Variants in GRID2 observed in about 807,000 individuals in gnomAD.
The protein encoded by GRID2 is glutamate receptor ionotropic, delta-2.
GRID2 carries 33 observed loss-of-function variants against 114.8 expected under a neutral mutation model. That is an observed-to-expected ratio of 0.29 (90% CI 0.22 to 0.38). The LOEUF (loss-of-function observed/expected upper bound fraction) is 0.38, where lower values mean the gene tolerates loss of function less well. Ranked by LOEUF, GRID2 falls within the 10% of genes least tolerant of loss-of-function variation. The pLI is 1.00. For synonymous variants in GRID2, 505 were observed against 449.9 expected (o/e 1.12, Z -1.55); for missense variants, 1,184 against 1,257.7 (o/e 0.94, Z 0.89).
At chr4:93,295,908 T>C (rs1456326984) in intron 8 of GRID2, among the ~76,000 whole-genome samples, 1 of 152,200 alleles carries the variant, frequency 6.6e-6, no homozygotes, top group East Asian at 1.9e-4. Flanking sequence ...GCCTTGAGTA[T>C]GTTGGATTTA....
chr4:93,451,196 G>A (rs1007372332), intron 10 of GRID2, among the ~76,000 whole-genome samples: 2 of 151,944 alleles, frequency 1.3e-5, no homozygotes, highest in African/African-American at 4.8e-5. Flanking sequence ...TGGAGCTTAT[G>A]GCCTAGTGGA....
chr4:92,536,937 A>G (rs1725666081), intron 1 of GRID2, among the ~76,000 whole-genome samples: 1 of 152,174 alleles, frequency 6.6e-6, no homozygotes, highest in Non-Finnish European at 1.5e-5. Flanking sequence ...GCCTTATATA[A>G]CATAACACGT....
At chr4:93,579,550 C>G (rs1227769389) in intron 13 of GRID2, among the ~76,000 whole-genome samples, 3 of 152,084 alleles carry the variant, frequency 2.0e-5, no homozygotes, top group African/African-American at 7.2e-5. Flanking sequence ...ATACTTAAGG[C>G]TATTCCATCG....
chr4:93,498,237 T>A (rs1291437031), intron 12 of GRID2, among the ~76,000 whole-genome samples: 1 of 151,800 alleles, frequency 6.6e-6, no homozygotes, highest in Non-Finnish European at 1.5e-5. Flanking sequence ...GAGGGCCAGG[T>A]TTCTGCTTCC....
intron 2 of GRID2, among the ~76,000 whole-genome samples, chr4:92,926,192 A>G (rs1024643261): frequency 6.6e-6 from 1 of 152,006 alleles, no homozygotes; most frequent in African/African-American, 2.4e-5. Flanking sequence ...ATAAGAAGCG[A>G]CTGATGGTCC....
At chr4:93,381,826 C>T (rs1176073811) in intron 8 of GRID2, among the ~76,000 whole-genome samples, 1 of 152,064 alleles carries the variant, frequency 6.6e-6, no homozygotes, top group Non-Finnish European at 1.5e-5. Flanking sequence ...TGTCCATATA[C>T]TTACCTTTAC....
At chr4:92,625,114 A>C (rs1730456912) in intron 2 of GRID2, among the ~76,000 whole-genome samples, 1 of 151,794 alleles carries the variant, frequency 6.6e-6, no homozygotes. Context: ...TTAGGAGAGA[A>C]ATATTCAGTA....
intron 8 of GRID2, among the ~76,000 whole-genome samples, chr4:93,391,318 C>G (rs921166538): frequency 3.9e-5 from 6 of 152,090 alleles, no homozygotes; most frequent in Non-Finnish European, 7.4e-5. Context: ...CTTTCTATCC[C>G]CTTACAGAAT....
In GRID2 at chr4:92,934,751, G is replaced by T. The variant is rs1273248358; in HGVS notation, c.245-150244G>T. ...TAACACTGCATGTCTACAACTATCT[G>T]ATCTTTGACAAACCTGAGAAAAACA... On this transcript the variant is annotated intron_variant, in intron 2 of 15. Coordinates refer to ENST00000282020, the MANE Select transcript of GRID2 (RefSeq NM_001510.4). Among the ~76,000 whole-genome samples the T allele has an allele frequency of 2.7e-5, 4 of 146,686 alleles. 1 individual carries two copies. The East Asian group carries it at 8.7e-4, about 32-fold the overall frequency.
At chr4:93,004,372 T>C (rs1721295637) in intron 2 of GRID2, among the ~76,000 whole-genome samples, 1 of 151,958 alleles carries the variant, frequency 6.6e-6, no homozygotes, top group East Asian at 1.9e-4. Flanking sequence ...TGCCTCCTTT[T>C]CCCATCACCA....
In GRID2 at chr4:93,690,904, ATGTAGCTTTATATATAATAGTTTATT is replaced by A. The variant is rs1726502690; in HGVS notation, c.2360+64471_2360+64496del. 3.4e-5 allele frequency among the ~76,000 whole-genome samples: 5 copies of A among 148,570 alleles called. No individual in the cohort carries two copies. The South Asian group carries it at 1.0e-3, about 31-fold the overall frequency. ...ATGTAATATTATAACACTTTATGTT[ATGTAGCTTTATATATAATAGTTTATT>A]TTATATATATTATAACATACATAAT... On this transcript the variant is annotated intron_variant, in intron 14 of 15. Transcript: ENST00000282020.
intron 1 of GRID2, among the ~76,000 whole-genome samples, chr4:92,340,457 G>T (rs1374360597): frequency 4.6e-5 from 7 of 151,992 alleles, no homozygotes; most frequent in Admixed American, 4.6e-4. Context: ...TTAATTTCCA[G>T]TTCACTCCTG....
chr4:93,164,303 T>C (rs1738046065), intron 4 of GRID2, among the ~76,000 whole-genome samples: 1 of 151,986 alleles, frequency 6.6e-6, no homozygotes, highest in Non-Finnish European at 1.5e-5. Context: ...TTGATTTTCT[T>C]CTCCATGAGA....
At chr4:93,672,935 C>A (rs933256232) in intron 14 of GRID2, among the ~76,000 whole-genome samples, 1 of 152,130 alleles carries the variant, frequency 6.6e-6, no homozygotes, top group Non-Finnish European at 1.5e-5. Context: ...ATAGTTTAAG[C>A]TTTATACTCA....
intron 1 of GRID2, among the ~76,000 whole-genome samples, chr4:92,487,505 C>A (rs1029588505): frequency 6.6e-6 from 1 of 151,832 alleles, no homozygotes; most frequent in African/African-American, 2.4e-5. Flanking sequence ...AAGATATTTC[C>A]ACTAGATAAT....
intron 2 of GRID2, among the ~76,000 whole-genome samples, chr4:92,778,994 T>A (rs1245805769): frequency 1.3e-5 from 2 of 152,074 alleles, no homozygotes; most frequent in Non-Finnish European, 2.9e-5. Context: ...TATTTATTCC[T>A]AAAAAATCAT....
At chr4:92,463,687 G>A (rs1163786426) in intron 1 of GRID2, among the ~76,000 whole-genome samples, 4 of 151,832 alleles carry the variant, frequency 2.6e-5, no homozygotes, top group African/African-American at 4.8e-5. Flanking sequence ...ATCTTCTTAC[G>A]GTGTTTTCTC....
chr4:92,324,604 CA>C (rs577425633), intron 1 of GRID2, among the ~76,000 whole-genome samples: 20 of 147,804 alleles, frequency 1.4e-4, no homozygotes, highest in African/African-American at 4.7e-4. Context: ...CAGACACACA[CA>C]CACACACACA....
intron 8 of GRID2, among the ~76,000 whole-genome samples, chr4:93,358,504 T>C (rs567049312): frequency 8.3e-4 from 126 of 152,034 alleles, no homozygotes; most frequent in Non-Finnish European, 1.4e-3. Flanking sequence ...ATGAAATAAC[T>C]GTAAATATTC....
Sources: allele counts gnomAD v4.1 joint callset (sites outside exome capture counted in the v4.1 genomes callset), GRCh38; gene constraint gnomAD v4.1.1; transcripts MANE v1.5; gene names NCBI Gene and HGNC (gene_info 2026-07-23, HGNC 2026-07-21).